The following OR9Q1 variants were observed in gnomAD, a reference collection of about 807,000 sequenced individuals.
OR9Q1 encodes olfactory receptor family 9 subfamily Q member 1.
For missense variants in OR9Q1, 374 were observed against 378.8 expected (o/e 0.99, Z 0.11); for synonymous variants, 153 against 148.6 (o/e 1.03, Z -0.22).
rs1852944789 is a variant in OR9Q1, at chr11:58,023,934, G to C, written c.-263G>C. 1 of 152,140 alleles carries C rather than the reference G, an allele frequency of 6.6e-6. No individual in the cohort carries two copies. Among genetic ancestry groups the C allele is most frequent in the Admixed American group, 6.5e-5 (1 of 15,272 alleles). 9.4% of individuals were successfully genotyped at this position (152,140 alleles called of 1,614,324 possible). A position where few individuals can be genotyped will look rare whatever the true frequency, so the allele number is the denominator to read the frequency against. Reference sequence around the variant, plus strand: ...GTGCAGGAGGATGCCACACAGAGATGGTAGAGGGAGCGAAAGGAGCAAAGG... The same window carrying C: ...GTGCAGGAGGATGCCACACAGAGATCGTAGAGGGAGCGAAAGGAGCAAAGG... On this transcript the variant is annotated 5_prime_UTR_variant, in exon 1 of 3. It removes an upstream start codon present in the reference 5' UTR. Coordinates refer to ENST00000335397, the MANE Select transcript of OR9Q1 (RefSeq NM_001005212.4).
intron 1 of OR9Q1, among the ~76,000 whole-genome samples, chr11:58,054,653 G>T (rs2119978187): frequency 6.6e-6 from 1 of 152,336 alleles, no homozygotes; most frequent in African/African-American, 2.4e-5. Context: ...ATGCGTTGAG[G>T]CCAGGTGTGG....
intron 2 of OR9Q1, among the ~76,000 whole-genome samples, chr11:58,156,802 T>C (rs1457713805): frequency 6.6e-6 from 1 of 152,218 alleles, no homozygotes; most frequent in Non-Finnish European, 1.5e-5. Flanking sequence ...TATTTGATAA[T>C]TTTTGGCTCA....
At chr11:58,041,581 G>A (rs1039900134) in intron 1 of OR9Q1, 6 of 152,492 alleles carry the variant, frequency 3.9e-5, no homozygotes, top group African/African-American at 1.4e-4. Context: ...TGTGTCAAGG[G>A]GCTTGTGATA....
At chr11:58,069,603 A>G (rs1160805681) in intron 2 of OR9Q1, among the ~76,000 whole-genome samples, 1 of 152,154 alleles carries the variant, frequency 6.6e-6, no homozygotes, top group Non-Finnish European at 1.5e-5. Flanking sequence ...GCTGGGCGCC[A>G]TGGCTCATGC....
intron 2 of OR9Q1, among the ~76,000 whole-genome samples, chr11:58,126,953 G>GTTA (rs1320872362): frequency 6.6e-6 from 1 of 152,042 alleles, no homozygotes; most frequent in African/African-American, 2.4e-5. Flanking sequence ...TATTGTTATT[G>GTTA]TTATTGTTAA....
chr11:58,080,750 A>T (rs1853579568), intron 2 of OR9Q1, among the ~76,000 whole-genome samples: 1 of 152,354 alleles, frequency 6.6e-6, no homozygotes, highest in Non-Finnish European at 1.5e-5. Context: ...AGTGATGATT[A>T]GCATTTTTCC....
intron 2 of OR9Q1, among the ~76,000 whole-genome samples, chr11:58,092,445 T>C (rs544387848): frequency 3.9e-5 from 6 of 152,102 alleles, no homozygotes; most frequent in Non-Finnish European, 8.8e-5. Context: ...CATAATAATA[T>C]ATATTTTGAA....
intron 1 of OR9Q1, among the ~76,000 whole-genome samples, chr11:58,054,537 C>T (rs1408255037): frequency 6.6e-6 from 1 of 152,158 alleles, no homozygotes; most frequent in Non-Finnish European, 1.5e-5. Context: ...ACATTTTGTA[C>T]ATTTCTGTAT....
chr11:58,178,559 T>A (rs755823435), intron 2 of OR9Q1, among the ~76,000 whole-genome samples: 1 of 152,082 alleles, frequency 6.6e-6, no homozygotes, highest in Non-Finnish European at 1.5e-5. Context: ...GGATTTGATA[T>A]CAGGGAGGAG....
At chr11:58,099,513 A>G (rs936301294) in intron 2 of OR9Q1, among the ~76,000 whole-genome samples, 1 of 151,968 alleles carries the variant, frequency 6.6e-6, no homozygotes, top group Non-Finnish European at 1.5e-5. Context: ...TTTGTCTAAC[A>G]TTAATATAGG....
chr11:58,134,054 C>A (rs1001539282), intron 2 of OR9Q1, among the ~76,000 whole-genome samples: 3 of 152,170 alleles, frequency 2.0e-5, no homozygotes, highest in Non-Finnish European at 2.9e-5. Context: ...TAATTGAGAT[C>A]TCTCATTTAG....
intron 2 of OR9Q1, among the ~76,000 whole-genome samples, chr11:58,140,524 C>T (rs1854236928): frequency 6.6e-6 from 1 of 152,148 alleles, no homozygotes; most frequent in Non-Finnish European, 1.5e-5. Context: ...GTTTTCCCAG[C>T]ACCATTTATT....
At chr11:58,154,810 GA>G (rs1404357241) in intron 2 of OR9Q1, among the ~76,000 whole-genome samples, 1 of 152,176 alleles carries the variant, frequency 6.6e-6, no homozygotes, top group African/African-American at 2.4e-5. Context: ...AGCTAGGATT[GA>G]ATGTTGGCAG....
chr11:58,077,077 AG>A (rs752850832), intron 2 of OR9Q1, among the ~76,000 whole-genome samples: 21 of 152,206 alleles, frequency 1.4e-4, no homozygotes, highest in Non-Finnish European at 2.4e-4. Flanking sequence ...GTAGTGGAGT[AG>A]GGTGGACAAG....
At chr11:58,139,179 C>T (rs565417441) in intron 2 of OR9Q1, among the ~76,000 whole-genome samples, 2 of 152,072 alleles carry the variant, frequency 1.3e-5, no homozygotes, top group Non-Finnish European at 1.5e-5. Flanking sequence ...AGGGGGCAAA[C>T]CTCTAGCACA....
At chr11:58,098,779 T>A (rs939788097) in intron 2 of OR9Q1, among the ~76,000 whole-genome samples, 1 of 152,216 alleles carries the variant, frequency 6.6e-6, no homozygotes, top group Non-Finnish European at 1.5e-5. Flanking sequence ...CGATTTTCTT[T>A]TTCTAGCTTC....
rs202120155 is a variant in OR9Q1 at position 58,089,043 on chromosome 11, A to AT, written c.-15+33104dup. 8.5e-3 allele frequency among the ~76,000 whole-genome samples: 1,286 copies of AT among 151,280 alleles called. 44 individuals are homozygous for AT. Among genetic ancestry groups the AT allele is most frequent in the African/African-American group, 0.029 (1,199 of 40,962 alleles). ...AGGTGCCCGTCACCAGGCCCAGCTAATTTTTTTTATTTTTAGTAGAGATGG... is the reference window on the plus strand; with the variant it reads ...AGGTGCCCGTCACCAGGCCCAGCTAATTTTTTTTTATTTTTAGTAGAGATGG... On this transcript the variant is annotated intron_variant, in intron 2 of 2. Coordinates refer to ENST00000335397, the MANE Select transcript of OR9Q1 (RefSeq NM_001005212.4).
chr11:58,036,408 C>T (rs1409890275), intron 1 of OR9Q1, among the ~76,000 whole-genome samples: 1 of 152,192 alleles, frequency 6.6e-6, no homozygotes, highest in Non-Finnish European at 1.5e-5. Flanking sequence ...GTTTTCATAC[C>T]TCCTAACATA....
chr11:58,069,174 C>T (rs1853462530), intron 2 of OR9Q1, among the ~76,000 whole-genome samples: 1 of 151,956 alleles, frequency 6.6e-6, no homozygotes, highest in East Asian at 1.9e-4. Context: ...CCATGCCTCA[C>T]ACATGGGAGA....
Sources: gnomAD v4.1 joint callset for allele counts (sites outside exome capture counted in the v4.1 genomes callset) on GRCh38, gnomAD v4.1.1 for gene constraint, MANE v1.5 for transcripts, NCBI Gene and HGNC (gene_info 2026-07-23, HGNC 2026-07-21) for gene names.